The following TMTC2 variants were observed in gnomAD, a reference collection of about 807,000 sequenced individuals.
TMTC2 encodes transmembrane O-mannosyltransferase targeting cadherins 2.
A neutral mutation model predicts 82.4 loss-of-function variants in TMTC2; 43 were observed. That is an observed-to-expected ratio of 0.52 (90% CI 0.41 to 0.67). TMTC2 has a LOEUF of 0.67. TMTC2 is among the 30% of genes least tolerant of loss of function. The probability of loss-of-function intolerance (pLI) is 0.00; values close to 1 mark genes in which losing one functional copy is unlikely to be tolerated. For missense variants in TMTC2, 919 were observed against 1,012.4 expected, an observed-to-expected ratio of 0.91 and a Z score of 1.25; for synonymous variants, 408 against 381.9, an observed-to-expected ratio of 1.07 and a Z score of -0.80.
chr12:83,002,679 GT>G (rs1205677022), intron 8 of TMTC2, among the ~76,000 whole-genome samples: 1 of 151,998 alleles, frequency 6.6e-6, no homozygotes, highest in Admixed American at 6.6e-5. Context: ...TCAGAAACAA[GT>G]TCTTTAATTT....
chr12:82,893,399 AG>A (rs1447046356), intron 2 of TMTC2, among the ~76,000 whole-genome samples: 1 of 151,838 alleles, frequency 6.6e-6, no homozygotes, highest in Non-Finnish European at 1.5e-5. Context: ...AGAAAAGAAA[AG>A]AAAAAAGTTA....
intron 8 of TMTC2, among the ~76,000 whole-genome samples, chr12:83,027,894 C>G (rs1399314550): frequency 6.6e-6 from 1 of 152,146 alleles, no homozygotes; most frequent in Non-Finnish European, 1.5e-5. Context: ...TTTTACTACC[C>G]TGTTTACTGT....
Position 82,857,507 on chromosome 12 carries a change from C to T in TMTC2, c.581C>T (p.Ala194Val). Residue 194 changes from alanine (A) to valine (V), a missense_variant, in exon 2 of 12, where the codon GCA (alanine) becomes GTA (valine). Coordinates refer to ENST00000321196, the MANE Select transcript of TMTC2 (RefSeq NM_152588.3). ...AAGGAACAAGGAGTGACTGTTCTCGCAGTTTCAGCAGTTTATGATGTCTTT... is the reference window on the plus strand; with the variant it reads ...AAGGAACAAGGAGTGACTGTTCTCGTAGTTTCAGCAGTTTATGATGTCTTT... ...LWKEQGVTVL[A>V]VSAVYDVFVF... 6.2e-7 allele frequency: 1 copy of T among 1,614,178 alleles called. No homozygotes were observed. The highest frequency in any genetic ancestry group is 8.5e-7 in the Non-Finnish European group (1 of 1,180,020).
rs79723515 is a variant in TMTC2, at chr12:82,817,666, C to G, written c.84-39344C>G. ...TTAGTCATTAAACTTTGTCTCATTC[C>G]TCAGTAAGAGAAAGCACAGTGAGAC... On this transcript the variant is annotated intron_variant, in intron 1 of 11. Transcript: ENST00000321196. 9.2e-3 allele frequency among the ~76,000 whole-genome samples: 1,396 copies of G among 152,188 alleles called. 60 individuals are homozygous for G. The highest frequency in any genetic ancestry group is 0.054 in the East Asian group (280 of 5,178).
intron 11 of TMTC2, among the ~76,000 whole-genome samples, chr12:83,123,558 G>A (rs1371980096): frequency 6.6e-6 from 1 of 152,162 alleles, no homozygotes; most frequent in East Asian, 1.9e-4. Context: ...CTTTTGTGAA[G>A]ATCATTTGTT....
chr12:83,035,361 T>C (rs1881620459), intron 9 of TMTC2, among the ~76,000 whole-genome samples: 1 of 152,224 alleles, frequency 6.6e-6, no homozygotes, highest in Non-Finnish European at 1.5e-5. Context: ...GGCAGGTTTA[T>C]ACAGTTAGTT....
chr12:83,026,856 G>A (rs1881205437), intron 8 of TMTC2, among the ~76,000 whole-genome samples: 1 of 151,984 alleles, frequency 6.6e-6, no homozygotes, highest in African/African-American at 2.4e-5. Context: ...CACCTGAGCT[G>A]AACAGTGGTA....
At position 82,687,429 on chromosome 12, in the gene TMTC2, C is replaced by A; in HGVS notation, c.-158C>A. On this transcript the variant is annotated 5_prime_UTR_variant, in exon 1 of 12. Coordinates refer to ENST00000321196, the MANE Select transcript of TMTC2 (RefSeq NM_152588.3). ...CGGGCGCGAGGAGGAGGAGAGGAGT[C>A]GTGGATTGGAAGGACCCGAGGGAGG... 1.5e-6 allele frequency: 1 copy of A among 645,872 alleles called. No homozygotes were observed. Among genetic ancestry groups the A allele is most frequent in the Non-Finnish European group, 2.6e-6 (1 of 380,724 alleles). 40.0% of individuals were successfully genotyped at this position (645,872 alleles called of 1,614,324 possible).
chr12:82,688,185 C>G (rs1283754205), intron 1 of TMTC2, among the ~76,000 whole-genome samples: 1 of 152,166 alleles, frequency 6.6e-6, no homozygotes, highest in Non-Finnish European at 1.5e-5. Flanking sequence ...TTAACTTTCC[C>G]TTTTAACGTG....
chr12:82,824,794 A>G (rs1393157700), intron 1 of TMTC2, among the ~76,000 whole-genome samples: 1 of 152,176 alleles, frequency 6.6e-6, no homozygotes, highest in Non-Finnish European at 1.5e-5. Context: ...ATCATCTATT[A>G]AAAATATACA....
intron 1 of TMTC2, among the ~76,000 whole-genome samples, chr12:82,815,230 G>A (rs1592544018): frequency 6.6e-6 from 1 of 150,466 alleles, no homozygotes; most frequent in African/African-American, 2.4e-5. Context: ...GCATTGGCGC[G>A]ATCTTGGCTC....
At chr12:83,124,585 CA>C (rs5799614) in intron 11 of TMTC2, among the ~76,000 whole-genome samples, 32,601 of 143,346 alleles carry the variant, frequency 0.23, 3,807 homozygotes, top group East Asian at 0.33. Context: ...TTTTAATGAG[CA>C]GAAGTTTGTC....
intron 1 of TMTC2, among the ~76,000 whole-genome samples, chr12:82,719,723 T>G (rs1874111224): frequency 6.8e-6 from 1 of 147,588 alleles, no homozygotes; most frequent in Non-Finnish European, 1.5e-5. Flanking sequence ...GAGCACAGTT[T>G]TGGCCCCAAG....
At chr12:82,722,376 A>G (rs2136928005) in intron 1 of TMTC2, among the ~76,000 whole-genome samples, 1 of 143,660 alleles carries the variant, frequency 7.0e-6, no homozygotes, top group South Asian at 2.3e-4. Flanking sequence ...AACACGGTGA[A>G]ACCCCGTCTC....
At chr12:82,929,152 G>C (rs1019506748) in intron 3 of TMTC2, among the ~76,000 whole-genome samples, 4 of 151,994 alleles carry the variant, frequency 2.6e-5, no homozygotes, top group Non-Finnish European at 5.9e-5. Context: ...ATGGCTCACT[G>C]TAGCCTCGAC....
chr12:82,924,349 A>G (rs1192823991), intron 3 of TMTC2, among the ~76,000 whole-genome samples: 1 of 152,200 alleles, frequency 6.6e-6, no homozygotes, highest in Non-Finnish European at 1.5e-5. Context: ...TTCATATAGC[A>G]AGAGAGGAGG....
chr12:82,983,725 G>C (rs902317050), intron 7 of TMTC2, among the ~76,000 whole-genome samples: 4 of 151,922 alleles, frequency 2.6e-5, no homozygotes, highest in African/African-American at 9.7e-5. Flanking sequence ...GATCCAAAGT[G>C]AATTTCAGTT....
intron 1 of TMTC2, among the ~76,000 whole-genome samples, chr12:82,821,945 A>T (rs1351632037): frequency 1.3e-5 from 2 of 151,892 alleles, no homozygotes; most frequent in African/African-American, 4.8e-5. Flanking sequence ...CTTGCAAGCT[A>T]CTGTAAAAAG....
At chr12:83,068,251 GATT>G (rs1882989323) in intron 11 of TMTC2, among the ~76,000 whole-genome samples, 1 of 152,000 alleles carries the variant, frequency 6.6e-6, no homozygotes, top group Non-Finnish European at 1.5e-5. Flanking sequence ...TGGGGGAAAA[GATT>G]ATTTAATTGA....
Sources: gnomAD v4.1 joint callset for allele counts (sites outside exome capture counted in the v4.1 genomes callset) on GRCh38, gnomAD v4.1.1 for gene constraint, MANE v1.5 for transcripts, NCBI Gene and HGNC (gene_info 2026-07-23, HGNC 2026-07-21) for gene names.